SERAC1: variants seen among roughly 807,000 people sequenced by gnomAD.
SERAC1 encodes the protein serine active site containing 1.
SERAC1 carries 36 observed loss-of-function variants against 85.7 expected under a neutral mutation model. The ratio of observed to expected loss-of-function variants is 0.42; its 90% CI spans 0.32 to 0.55. SERAC1 has a LOEUF of 0.55. Ranked by LOEUF, SERAC1 falls within the 20% of genes least tolerant of loss-of-function variation. SERAC1 has a pLI of 0.11. For synonymous variants in SERAC1, 242 were observed against 265.3 expected (o/e 0.91, Z 0.85); for missense variants, 629 against 796.2 (o/e 0.79, Z 2.53).
intron 3 of SERAC1, among the ~76,000 whole-genome samples, chr6:158,150,860 A>G (rs1785187319): frequency 6.6e-6 from 1 of 152,240 alleles, no homozygotes; most frequent in Non-Finnish European, 1.5e-5. Context: ...ATCGTAACAC[A>G]TTACTCACGT....
At chr6:158,125,358 C>A (rs1784515926) in intron 10 of SERAC1, among the ~76,000 whole-genome samples, 1 of 152,110 alleles carries the variant, frequency 6.6e-6, no homozygotes, top group Admixed American at 6.5e-5. Flanking sequence ...AGGCTTCATG[C>A]AACATGCAGG....
chr6:158,131,798 G>A (rs1269398346), intron 8 of SERAC1, among the ~76,000 whole-genome samples: 1 of 152,142 alleles, frequency 6.6e-6, no homozygotes, highest in Non-Finnish European at 1.5e-5. Context: ...TGCATTGTTT[G>A]TATAATAATA....
In SERAC1 at chr6:158,144,353, T is replaced by C. The variant is rs200483257; in HGVS notation, c.555A>G (p.Glu185=). ...GGAGAAAAAAGCGAAGATCACTCTC[T>C]TCGCTTCGTGCCAAACCAATAAGAG... The part of the protein sequence containing the change: ...PKTLIGLARS[E]ESDLRFFLLP... Residue 185 remains glutamate (E), a synonymous_variant, in exon 7 of 17, where the codon GAA becomes GAG. Transcript: ENST00000647468. 14 of 1,613,586 alleles carry C rather than the reference T, an allele frequency of 8.7e-6. No individual in the cohort carries two copies. Among genetic ancestry groups the C allele is most frequent in the Middle Eastern group, 1.6e-4 (1 of 6,084 alleles).
chr6:158,149,022 CTCTGTCGCCCAGG>C, intron 4 of SERAC1, 68 bp from the exon 5 acceptor site: 1 of 1,202,968 alleles, frequency 8.3e-7, no homozygotes, highest in Non-Finnish European at 1.2e-6. Flanking sequence ...TGGAATCTTA[CTCTGTCGCCCAGG>C]TTGGAGTGCA....
intron 1 of SERAC1, chr6:158,161,383 GA>G (rs1307000278): frequency 1.2e-3 from 156 of 125,482 alleles, no homozygotes; most frequent in East Asian, 1.6e-3. Flanking sequence ...CTCTGTCTCA[GA>G]AAAAAAAAAA....
chr6:158,165,444 C>T (rs1354509430), intron 1 of SERAC1, among the ~76,000 whole-genome samples: 2 of 152,150 alleles, frequency 1.3e-5, no homozygotes, highest in African/African-American at 4.8e-5. Flanking sequence ...CGTGAGCCAC[C>T]GTGCCCGGCC....
chr6:158,133,291 C>T (rs1379812583), intron 8 of SERAC1, among the ~76,000 whole-genome samples: 1 of 150,546 alleles, frequency 6.6e-6, no homozygotes, highest in East Asian at 1.9e-4. Context: ...AGAGTGAGAC[C>T]CTGTCTCAAA....
chr6:158,123,706 A>T (rs111322408), intron 10 of SERAC1, among the ~76,000 whole-genome samples: 9 of 152,294 alleles, frequency 5.9e-5, no homozygotes, highest in African/African-American at 2.2e-4. Flanking sequence ...CAAGGTCTTG[A>T]CCAAGAGACT....
At chr6:158,128,514 T>C (rs986189350) in intron 9 of SERAC1, among the ~76,000 whole-genome samples, 7 of 152,228 alleles carry the variant, frequency 4.6e-5, no homozygotes, top group African/African-American at 1.7e-4. Context: ...AAATCATTAT[T>C]CTCATTCTGC....
chr6:158,167,500 T>C (rs1225787256), intron 1 of SERAC1, among the ~76,000 whole-genome samples: 1 of 133,288 alleles, frequency 7.5e-6, no homozygotes, highest in Non-Finnish European at 1.5e-5. Flanking sequence ...ATCGCGCCAC[T>C]GCACTCCAGC....
chr6:158,137,505 G>A (rs895174854), intron 8 of SERAC1, among the ~76,000 whole-genome samples: 2 of 152,142 alleles, frequency 1.3e-5, no homozygotes, highest in Non-Finnish European at 2.9e-5. Context: ...TGTTTCAAGT[G>A]TCAGTTTCAT....
At chr6:158,135,490 G>A (rs984720906) in intron 8 of SERAC1, among the ~76,000 whole-genome samples, 5 of 151,946 alleles carry the variant, frequency 3.3e-5, no homozygotes, top group South Asian at 2.1e-4. Context: ...CCGAGATCGC[G>A]CCACTGCACT....
At position 158,148,897 on chromosome 6, in the gene SERAC1, G is replaced by A. The variant is rs1785136040; in HGVS notation, c.323C>T (p.Thr108Ile). 6.2e-7 allele frequency: 1 copy of A among 1,612,390 alleles called. No individual in the cohort carries two copies. The highest frequency in any genetic ancestry group is 8.5e-7 in the Non-Finnish European group (1 of 1,179,214). ...LHKAVRKVLA[T>I]SAKILRNPFA... Reference sequence around the variant, plus strand: ...TGGATTCCGCAGTATCTTGGCTGATGTTGCCAATACTTTTCTTACTGCTTT... The same window carrying A: ...TGGATTCCGCAGTATCTTGGCTGATATTGCCAATACTTTTCTTACTGCTTT... Residue 108 changes from threonine to isoleucine, a missense_variant, in exon 5 of 17, where the codon ACA becomes ATA. By Grantham distance (89) the Thr-to-Ile change is moderately conservative (BLOSUM62 -1). Coordinates refer to ENST00000647468, the MANE Select transcript of SERAC1 (RefSeq NM_032861.4).
chr6:158,153,506 T>C (rs1785255297), intron 3 of SERAC1, among the ~76,000 whole-genome samples: 1 of 152,102 alleles, frequency 6.6e-6, no homozygotes, highest in Admixed American at 6.5e-5. Context: ...ATAGTATACA[T>C]ATTCAATTTT....
chr6:158,148,741 C>T, intron 5 of SERAC1, 124 bp downstream of exon 5: 1 of 707,320 alleles, frequency 1.4e-6, no homozygotes, highest in Non-Finnish European at 2.2e-6. Flanking sequence ...CCATACCTGG[C>T]CTGATTAATT....
Position 158,114,407 on chromosome 6 carries a change from CT to C in SERAC1, c.1684+381del, listed in dbSNP as rs1483590328. The C allele has an allele frequency of 1.4e-5, 12 of 856,448 alleles. No individual in the cohort carries two copies. The African/African-American group carries it at 2.2e-4, about 16-fold the overall frequency. 53.1% of individuals were successfully genotyped at this position (856,448 alleles called of 1,614,324 possible). A position where few individuals can be genotyped will look rare whatever the true frequency, so the allele number is the denominator to read the frequency against. ...GAAAACTGCTTATCAAACCAGAGTA[CT>C]TTAAAATTAATACTAACAATCTCAA... On this transcript the variant is annotated intron_variant, in intron 15 of 16. Coordinates refer to ENST00000647468, the MANE Select transcript of SERAC1 (RefSeq NM_032861.4).
chr6:158,136,855 G>A (rs12197370), intron 8 of SERAC1, among the ~76,000 whole-genome samples: 46,529 of 152,048 alleles, frequency 0.31, 8,564 homozygotes, highest in Admixed American at 0.52. Flanking sequence ...GCAGAGTAGG[G>A]GGAATAAGAA....
Position 158,120,488 on chromosome 6 carries a change from C to T in SERAC1, c.1103G>A (p.Arg368Gln), listed in dbSNP as rs776921194. The T allele has an allele frequency of 5.0e-6, 8 of 1,613,996 alleles. No individual in the cohort carries two copies. The highest frequency in any genetic ancestry group is 5.9e-6 in the Non-Finnish European group (7 of 1,179,978). ...CTGATATTTTTCTTGCACAGTTTCTCGGTCTAGATTTGCCAGGATTCTGGC... is the reference window on the plus strand; with the variant it reads ...CTGATATTTTTCTTGCACAGTTTCTTGGTCTAGATTTGCCAGGATTCTGGC... The part of the protein sequence containing the change: ...HAARILANLD[R>Q]ETVQEKYQDG... Residue 368 changes from arginine (R) to glutamine (Q), a missense_variant, in exon 11 of 17, where the codon CGA becomes CAA. By Grantham distance (43) the Arg-to-Gln change is conservative. Coordinates refer to ENST00000647468, the MANE Select transcript of SERAC1 (RefSeq NM_032861.4). This position sits in a 1 kb window ranked among gnomAD's most constrained non-coding sequence, Gnocchi z 4.4.
intron 10 of SERAC1, among the ~76,000 whole-genome samples, chr6:158,126,745 A>G (rs539790776): frequency 1.3e-5 from 2 of 152,288 alleles, no homozygotes; most frequent in Non-Finnish European, 2.9e-5. Context: ...TAGTCTGACT[A>G]TGCCTCTTGG....
Sources: gnomAD v4.1 joint callset for allele counts (sites outside exome capture counted in the v4.1 genomes callset) on GRCh38, gnomAD v4.1.1 for gene constraint, Gnocchi (gnomAD v3.1) non-coding constraint, MANE v1.5 for transcripts, NCBI Gene and HGNC (gene_info 2026-07-23, HGNC 2026-07-21) for gene names.